Variants in ESRRG observed in about 807,000 individuals in gnomAD.
The protein encoded by ESRRG is estrogen related receptor gamma.
Under a neutral mutation model 44.0 loss-of-function variants are expected in ESRRG, and 13 were observed. The observed-to-expected ratio is 0.30, with a 90% CI of 0.19 to 0.47. The LOEUF (loss-of-function observed/expected upper bound fraction) is 0.47. Ranked by LOEUF, ESRRG falls within the 20% of genes least tolerant of loss-of-function variation. The pLI is 1.00. For missense variants in ESRRG, 395 were observed against 580.6 expected (o/e 0.68, Z 3.29); for synonymous variants, 215 against 214.6 (o/e 1.00, Z -0.02).
At chr1:216,979,335 A>G (rs1578985207) in intron 1 of ESRRG, among the ~76,000 whole-genome samples, 1 of 152,110 alleles carries the variant, frequency 6.6e-6, no homozygotes, top group African/African-American at 2.4e-5. Flanking sequence ...CTGCTTTGAG[A>G]TTTGACATGA....
Position 217,060,452 on chromosome 1 carries a change from C to T in ESRRG, c.-106+29055G>A, listed in dbSNP as rs143655391. On this transcript the variant is annotated intron_variant, in intron 1 of 7. Coordinates refer to the ESRRG transcript ENST00000359162. ...CCAGCAACTCCCCCTTTCCTCTGAA[C>T]TTCTTGATGTCTCCACCATTTACTT... Among the ~76,000 whole-genome samples the T allele has an allele frequency of 5.5e-4, 84 of 152,196 alleles. 1 individual carries two copies. The East Asian group carries it at 6.0e-3, about 11-fold the overall frequency.
chr1:216,866,233 A>T (rs1220495000), intron 2 of ESRRG, among the ~76,000 whole-genome samples: 1 of 152,194 alleles, frequency 6.6e-6, no homozygotes, highest in Non-Finnish European at 1.5e-5. Flanking sequence ...AGCCATGTAC[A>T]TACATACACA....
chr1:216,981,043 C>T (rs2150387134), intron 1 of ESRRG, among the ~76,000 whole-genome samples: 1 of 152,276 alleles, frequency 6.6e-6, no homozygotes, highest in Admixed American at 6.5e-5. Flanking sequence ...CCTACTAAGG[C>T]AAGATACCAT....
At chr1:217,062,388 C>G (rs892834416) in intron 1 of ESRRG, among the ~76,000 whole-genome samples, 1 of 152,132 alleles carries the variant, frequency 6.6e-6, no homozygotes, top group African/African-American at 2.4e-5. Context: ...CCTACCTTTA[C>G]AACAGCAGGA....
At chr1:216,922,679 G>C (rs1161941531) in intron 2 of ESRRG, among the ~76,000 whole-genome samples, 1 of 152,138 alleles carries the variant, frequency 6.6e-6, no homozygotes, top group African/African-American at 2.4e-5. Flanking sequence ...GCAATGAATT[G>C]GATTGGCTTT....
At chr1:216,676,963 C>G in intron 2 of ESRRG, 113 bp downstream of exon 2, 2 of 743,540 alleles carry the variant, frequency 2.7e-6, no homozygotes, top group Non-Finnish European at 4.4e-6. Flanking sequence ...ATTTTCTACT[C>G]AAGAGAGAAT....
At chr1:216,723,191 C>T in intron 1 of ESRRG, 53 bp downstream of exon 1, 2 of 1,461,246 alleles carry the variant, frequency 1.4e-6, no homozygotes, top group Admixed American at 1.7e-5. Context: ...CTGTCCGCCC[C>T]CACCCCCGCA....
At chr1:216,894,796 G>T (rs977746798) in intron 2 of ESRRG, among the ~76,000 whole-genome samples, 3 of 152,074 alleles carry the variant, frequency 2.0e-5, no homozygotes, top group Non-Finnish European at 4.4e-5. Flanking sequence ...ACCAGCATTA[G>T]CCCCTAGACT....
At chr1:216,701,606 C>G (rs2081401799) in intron 1 of ESRRG, 1 of 152,224 alleles carries the variant, frequency 6.6e-6, no homozygotes, top group Admixed American at 6.5e-5. Flanking sequence ...AACAAAAGAT[C>G]ACCAGGCCAT....
intron 1 of ESRRG, among the ~76,000 whole-genome samples, chr1:217,003,570 C>CTATTAATAT (rs2077330424): frequency 8.6e-6 from 1 of 115,680 alleles, no homozygotes; most frequent in Non-Finnish European, 1.8e-5. Context: ...AGTATTAATA[C>CTATTAATAT]TAATTAATAA....
At chr1:216,622,564 T>A (rs1015435293) in intron 3 of ESRRG, among the ~76,000 whole-genome samples, 1 of 152,152 alleles carries the variant, frequency 6.6e-6, no homozygotes, top group Admixed American at 6.6e-5. Context: ...GAAAGGTATG[T>A]TTCTTCTTTT....
intron 1 of ESRRG, among the ~76,000 whole-genome samples, chr1:217,029,110 A>T (rs1306953375): frequency 1.3e-5 from 2 of 152,174 alleles, no homozygotes; most frequent in Non-Finnish European, 2.9e-5. Context: ...GGCATCTTAT[A>T]AGACTTTTGG....
At chr1:216,897,519 C>T (rs2058566009) in intron 2 of ESRRG, among the ~76,000 whole-genome samples, 1 of 152,172 alleles carries the variant, frequency 6.6e-6, no homozygotes, top group African/African-American at 2.4e-5. Context: ...CCATTTCAAA[C>T]AGACTTACAA....
intron 5 of ESRRG, among the ~76,000 whole-genome samples, chr1:216,550,204 A>G (rs957049051): frequency 6.6e-6 from 1 of 152,190 alleles, no homozygotes; most frequent in African/African-American, 2.4e-5. Context: ...AATTACGTCC[A>G]TCTATCTTTA....
At chr1:216,589,230 A>G (rs1267457001) in intron 3 of ESRRG, among the ~76,000 whole-genome samples, 7 of 152,162 alleles carry the variant, frequency 4.6e-5, no homozygotes. Context: ...ATAAGTGCAG[A>G]TTTGCTTTGC....
intron 1 of ESRRG, among the ~76,000 whole-genome samples, chr1:216,706,450 G>C (rs7541375): frequency 0.2 from 29,707 of 152,050 alleles, 3,782 homozygotes; most frequent in Non-Finnish European, 0.28. Context: ...TGCTGGCTGT[G>C]CCCACGTTGC....
chr1:216,814,017 C>G (rs1280030554), intron 2 of ESRRG, among the ~76,000 whole-genome samples: 2 of 152,154 alleles, frequency 1.3e-5, no homozygotes, highest in Non-Finnish European at 2.9e-5. Flanking sequence ...GCCTGCAGCA[C>G]CACTAATATC....
At chr1:217,133,732 C>T (rs564626776) in intron 1 of ESRRG, among the ~76,000 whole-genome samples, 55 of 147,832 alleles carry the variant, frequency 3.7e-4, no homozygotes, top group Admixed American at 8.3e-4. Context: ...TTCCTCAGTA[C>T]TTCTGCCTTT....
chr1:217,121,505 G>C (rs1020260523), intron 1 of ESRRG, among the ~76,000 whole-genome samples: 2 of 152,198 alleles, frequency 1.3e-5, no homozygotes, highest in East Asian at 3.8e-4. Context: ...ACAAGTCTAC[G>C]TGAGAGATGA....
Sources: allele counts gnomAD v4.1 joint callset (sites outside exome capture counted in the v4.1 genomes callset), GRCh38; gene constraint gnomAD v4.1.1; transcripts MANE v1.5; gene names NCBI Gene and HGNC (gene_info 2026-07-23, HGNC 2026-07-21).